The following ABCA13 variants were observed in gnomAD, a reference collection of about 807,000 sequenced individuals.
The protein encoded by ABCA13 is ATP binding cassette subfamily A member 13.
Under a neutral mutation model 478.7 loss-of-function variants are expected in ABCA13, and 476 were observed. The ratio of observed to expected loss-of-function variants is 0.99; its 90% CI spans 0.92 to 1.07. The LOEUF (loss-of-function observed/expected upper bound fraction) is 1.07, where lower values mean the gene tolerates loss of function less well. Ranked by LOEUF, ABCA13 falls within the 50% of genes least tolerant of loss-of-function variation. The probability of loss-of-function intolerance (pLI) is 0.00; values close to 1 mark genes in which losing one functional copy is unlikely to be tolerated. For missense variants in ABCA13, 6,060 were observed against 5,910.6 expected (o/e 1.03, Z -0.83); for synonymous variants, 2,252 against 2,158.9 (o/e 1.04, Z -1.20).
chr7:48,435,275 A>G (rs1484099127), intron 42 of ABCA13, among the ~76,000 whole-genome samples: 1 of 151,804 alleles, frequency 6.6e-6, no homozygotes, highest in African/African-American at 2.4e-5. Context: ...ATTGTAAATG[A>G]AATGATTTTC....
intron 55 of ABCA13, among the ~76,000 whole-genome samples, chr7:48,530,010 C>T (rs1401392610): frequency 6.6e-6 from 1 of 151,866 alleles, no homozygotes; most frequent in Non-Finnish European, 1.5e-5. Context: ...TTTGGTGCAC[C>T]TCACCCAAGC....
At chr7:48,445,788 C>T (rs1029261775) in intron 42 of ABCA13, among the ~76,000 whole-genome samples, 15 of 152,142 alleles carry the variant, frequency 9.9e-5, no homozygotes, top group South Asian at 8.3e-4. Context: ...TCGTGTGTGG[C>T]TGTATTTCTG....
chr7:48,385,511 T>G (rs759578106), intron 35 of ABCA13, among the ~76,000 whole-genome samples: 1 of 152,228 alleles, frequency 6.6e-6, no homozygotes, highest in Non-Finnish European at 1.5e-5. Flanking sequence ...GGCTGCATAG[T>G]AGTAGTCCAT....
At chr7:48,249,484 A>G in intron 15 of ABCA13, 133 bp downstream of exon 15, 1 of 1,171,326 alleles carries the variant, frequency 8.5e-7, no homozygotes, top group Non-Finnish European at 1.2e-6. Context: ...ACAATTTGGC[A>G]TTGTGATTAC....
At chr7:48,196,022 C>T (rs957274217) in intron 2 of ABCA13, among the ~76,000 whole-genome samples, 1 of 151,996 alleles carries the variant, frequency 6.6e-6, no homozygotes, top group African/African-American at 2.4e-5. Flanking sequence ...ACGGGCAAAA[C>T]AGGGCAAAAA....
At chr7:48,467,685 T>C (rs561357734) in intron 44 of ABCA13, among the ~76,000 whole-genome samples, 39 of 152,304 alleles carry the variant, frequency 2.6e-4, no homozygotes, top group African/African-American at 9.4e-4. Flanking sequence ...GGCCCTGGTC[T>C]CAAGGAATTT....
intron 26 of ABCA13, 111 bp downstream of exon 26, chr7:48,314,520 A>G (rs1419288891): frequency 7.8e-6 from 8 of 1,028,656 alleles, no homozygotes; most frequent in Non-Finnish European, 9.5e-6. Context: ...ATATACTGGC[A>G]TAGAATCTTC....
chr7:48,639,771 C>A (rs1462272279), intron 59 of ABCA13, among the ~76,000 whole-genome samples: 2 of 152,044 alleles, frequency 1.3e-5, no homozygotes, highest in Non-Finnish European at 2.9e-5. Flanking sequence ...AGTTTCTATA[C>A]CAAGAAGAAT....
chr7:48,193,227 T>C (rs149161491), intron 2 of ABCA13, among the ~76,000 whole-genome samples, 175 bp downstream of exon 2: 5 of 152,240 alleles, frequency 3.3e-5, no homozygotes, highest in African/African-American at 1.2e-4. Context: ...ATTTAGGTTT[T>C]GTCTTTTAAG....
At chr7:48,382,513 G>C (rs1398449131) in intron 35 of ABCA13, among the ~76,000 whole-genome samples, 3 of 152,144 alleles carry the variant, frequency 2.0e-5, no homozygotes, top group Admixed American at 1.3e-4. Flanking sequence ...AGGGCACCCA[G>C]GTGAATTCAA....
chr7:48,485,228 G>GTT (rs1002975962), intron 47 of ABCA13, among the ~76,000 whole-genome samples: 2 of 149,864 alleles, frequency 1.3e-5, no homozygotes, highest in East Asian at 3.9e-4. Context: ...TCCACTGAGA[G>GTT]TTTTTTTTTT....
intron 42 of ABCA13, among the ~76,000 whole-genome samples, chr7:48,442,248 G>A (rs1273075720): frequency 6.7e-6 from 1 of 149,820 alleles, no homozygotes; most frequent in African/African-American, 2.5e-5. Flanking sequence ...CCAAGTTGTA[G>A]TTGTATTGGC....
In ABCA13 at chr7:48,172,688, C is replaced by T. The variant is rs1051892840; in HGVS notation, c.69+1136C>T. ...TGGCGGACGTCTGTAGTCCCAGCTACGCGGGAGGCTGAGGCAGGAGAATGG... is the reference window on the plus strand; with the variant it reads ...TGGCGGACGTCTGTAGTCCCAGCTATGCGGGAGGCTGAGGCAGGAGAATGG... On this transcript the variant is annotated intron_variant, in intron 1 of 61. Transcript: ENST00000435803. Among the ~76,000 whole-genome samples, 11 of 150,256 alleles carry T rather than the reference C, an allele frequency of 7.3e-5. No individual in the cohort carries two copies. The South Asian group carries it at 8.5e-4, about 12-fold the overall frequency.
chr7:48,624,290 C>G (rs1218329685), intron 59 of ABCA13, among the ~76,000 whole-genome samples: 1 of 152,140 alleles, frequency 6.6e-6, no homozygotes, highest in Non-Finnish European at 1.5e-5. Context: ...TACTTGCAGA[C>G]ACTGAGCATA....
intron 15 of ABCA13, among the ~76,000 whole-genome samples, chr7:48,255,622 C>T (rs1405208282): frequency 6.6e-6 from 1 of 152,194 alleles, no homozygotes; most frequent in Non-Finnish European, 1.5e-5. Context: ...ATCCATGTTA[C>T]TGCAAAGGAC....
chr7:48,555,788 T>C (rs1785760003), intron 55 of ABCA13, among the ~76,000 whole-genome samples: 1 of 151,770 alleles, frequency 6.6e-6, no homozygotes, highest in Non-Finnish European at 1.5e-5. Context: ...ATCGTTTATA[T>C]TATTTTCTTT....
At chr7:48,335,606 C>A in intron 28 of ABCA13, 71 bp downstream of exon 28, 2 of 1,222,542 alleles carry the variant, frequency 1.6e-6, no homozygotes, top group Non-Finnish European at 2.4e-6. Flanking sequence ...ATCAGGGCTG[C>A]CCTGTAGAAG....
intron 57 of ABCA13, among the ~76,000 whole-genome samples, chr7:48,589,554 T>C (rs954334140): frequency 2.0e-5 from 3 of 152,252 alleles, no homozygotes; most frequent in African/African-American, 7.2e-5. Flanking sequence ...ATTGCCATTT[T>C]TTCCCCTGTA....
chr7:48,314,579 C>T (rs1802272229), intron 26 of ABCA13, among the ~76,000 whole-genome samples, 170 bp downstream of exon 26: 1 of 152,184 alleles, frequency 6.6e-6, no homozygotes. Context: ...TTGAACGGTT[C>T]TAGTGCCTTT....
Sources: allele counts gnomAD v4.1 joint callset (sites outside exome capture counted in the v4.1 genomes callset), GRCh38; gene constraint gnomAD v4.1.1; transcripts MANE v1.5; gene names NCBI Gene and HGNC (gene_info 2026-07-23, HGNC 2026-07-21).